The following GPR39 variants were observed in gnomAD, a reference collection of about 807,000 sequenced individuals.
GPR39 encodes the protein zinc sensing receptor.
In GPR39, 23 loss-of-function variants were observed where a neutral mutation model predicts 18.4. That is an observed-to-expected ratio of 1.25 (90% CI 0.90 to 1.77). The LOEUF is 1.77. Among genes scored for constraint, GPR39 ranks in the 40% most tolerant of loss-of-function variants. The pLI is 0.00. For missense variants in GPR39, 647 were observed against 602.4 expected (o/e 1.07, Z -0.78); for synonymous variants, 280 against 257.9 (o/e 1.09, Z -0.82).
At chr2:132,595,723 T>C (rs1298205724) in intron 1 of GPR39, among the ~76,000 whole-genome samples, 2 of 152,164 alleles carry the variant, frequency 1.3e-5, no homozygotes, top group Non-Finnish European at 2.9e-5. Context: ...TAATGTGCCA[T>C]TTTTTGTTGT....
At chr2:132,541,028 C>T (rs1679852285) in intron 1 of GPR39, among the ~76,000 whole-genome samples, 1 of 152,056 alleles carries the variant, frequency 6.6e-6, no homozygotes, top group South Asian at 2.1e-4. Context: ...TGCCCAGGTT[C>T]CCTTTCCCTC....
chr2:132,583,257 G>A (rs1680660677), intron 1 of GPR39, among the ~76,000 whole-genome samples: 1 of 151,886 alleles, frequency 6.6e-6, no homozygotes, highest in Admixed American at 6.6e-5. Context: ...CCGTGTGTTT[G>A]TTTGCTGGGT....
At chr2:132,590,098 A>G (rs1310217578) in intron 1 of GPR39, among the ~76,000 whole-genome samples, 2 of 152,242 alleles carry the variant, frequency 1.3e-5, no homozygotes, top group Admixed American at 6.5e-5. Context: ...GTTCTTTGAC[A>G]TAATACTGAG....
intron 1 of GPR39, 185 bp from the exon 2 acceptor site, chr2:132,644,916 T>G: frequency 1.6e-6 from 1 of 633,906 alleles, no homozygotes; most frequent in Non-Finnish European, 2.7e-6. Context: ...TTTGAAACAG[T>G]GTTAAATTCT....
chr2:132,465,989 T>A (rs1680920969), intron 1 of GPR39, among the ~76,000 whole-genome samples: 1 of 152,226 alleles, frequency 6.6e-6, no homozygotes, highest in Non-Finnish European at 1.5e-5. Flanking sequence ...AACAAATATT[T>A]GTTTTATAAT....
At chr2:132,466,476 A>G (rs759111818) in intron 1 of GPR39, among the ~76,000 whole-genome samples, 36 of 152,158 alleles carry the variant, frequency 2.4e-4, no homozygotes, top group Non-Finnish European at 4.3e-4. Context: ...CAAACTTTGT[A>G]GCTCTGGGGA....
chr2:132,422,441 G>A (rs1312163480), intron 1 of GPR39, among the ~76,000 whole-genome samples: 1 of 150,218 alleles, frequency 6.7e-6, no homozygotes, highest in Non-Finnish European at 1.5e-5. Flanking sequence ...AGAAGTGGAT[G>A]CCTTGAAATG....
chr2:132,487,339 G>T (rs1681361508), intron 1 of GPR39, among the ~76,000 whole-genome samples: 1 of 152,220 alleles, frequency 6.6e-6, no homozygotes. Flanking sequence ...CACAGCTGAA[G>T]TGAGCACATG....
At chr2:132,638,558 T>C (rs1681806281) in intron 1 of GPR39, among the ~76,000 whole-genome samples, 1 of 152,242 alleles carries the variant, frequency 6.6e-6, no homozygotes, top group Non-Finnish European at 1.5e-5. Context: ...TTGAGAATTC[T>C]GTCTCAGCCG....
At chr2:132,519,337 G>C (rs990293085) in intron 1 of GPR39, among the ~76,000 whole-genome samples, 3 of 152,156 alleles carry the variant, frequency 2.0e-5, no homozygotes, top group Non-Finnish European at 4.4e-5. Context: ...TCTGAAGCCT[G>C]ACTTCCCACT....
At chr2:132,556,862 T>G (rs1432141496) in intron 1 of GPR39, among the ~76,000 whole-genome samples, 1 of 152,128 alleles carries the variant, frequency 6.6e-6, no homozygotes, top group East Asian at 1.9e-4. Flanking sequence ...CTCCTTTCCT[T>G]AGGGTAGGTG....
chr2:132,440,361 G>A (rs1680413841), intron 1 of GPR39, among the ~76,000 whole-genome samples: 1 of 152,162 alleles, frequency 6.6e-6, no homozygotes, highest in Non-Finnish European at 1.5e-5. Context: ...GGGCAAAGGG[G>A]TGGTGACATG....
At chr2:132,476,285 C>T (rs1025201227) in intron 1 of GPR39, among the ~76,000 whole-genome samples, 3 of 152,084 alleles carry the variant, frequency 2.0e-5, no homozygotes, top group Admixed American at 6.5e-5. Context: ...GTTTCTGGTT[C>T]GAAGTCCCTA....
At chr2:132,630,440 A>G (rs959970481) in intron 1 of GPR39, among the ~76,000 whole-genome samples, 2 of 152,218 alleles carry the variant, frequency 1.3e-5, no homozygotes, top group Admixed American at 1.3e-4. Flanking sequence ...TGTGAGGAGC[A>G]GGTACAGCAA....
At chr2:132,490,931 C>T (rs951926154) in intron 1 of GPR39, among the ~76,000 whole-genome samples, 1 of 152,152 alleles carries the variant, frequency 6.6e-6, no homozygotes, top group African/African-American at 2.4e-5. Context: ...TGCGAAGGCT[C>T]TGTGGAGGGC....
intron 1 of GPR39, among the ~76,000 whole-genome samples, chr2:132,531,126 A>G (rs1221775414): frequency 4.6e-5 from 7 of 152,214 alleles, no homozygotes; most frequent in African/African-American, 1.7e-4. Context: ...CTGCAGAGAC[A>G]CATATAGGCT....
intron 1 of GPR39, among the ~76,000 whole-genome samples, chr2:132,571,190 G>A (rs1487206122): frequency 6.6e-6 from 1 of 152,176 alleles, no homozygotes; most frequent in Non-Finnish European, 1.5e-5. Flanking sequence ...TCTTCTTAAT[G>A]TCCAAATTAA....
intron 1 of GPR39, among the ~76,000 whole-genome samples, chr2:132,486,245 AAC>A (rs369993759): frequency 3.1e-4 from 47 of 152,338 alleles, no homozygotes; most frequent in Middle Eastern, 3.4e-3. Context: ...CCATTCATAG[AAC>A]ACAGACAAAG....
At chr2:132,458,458 T>TTG (rs57137481) in intron 1 of GPR39, among the ~76,000 whole-genome samples, 44,390 of 131,816 alleles carry the variant, frequency 0.34, 7,668 homozygotes, top group East Asian at 0.42. Context: ...CTCGGTGTGT[T>TTG]TGTGTGTGTG....
Sources: allele counts gnomAD v4.1 joint callset (sites outside exome capture counted in the v4.1 genomes callset), GRCh38; gene constraint gnomAD v4.1.1; transcripts MANE v1.5; gene names NCBI Gene and HGNC (gene_info 2026-07-23, HGNC 2026-07-21).